BCL11A: variants seen among roughly 807,000 people sequenced by gnomAD.
The protein encoded by BCL11A is BCL11 transcription factor A.
A neutral mutation model predicts 55.9 loss-of-function variants in BCL11A; 2 were observed. That is an observed-to-expected ratio of 0.04 (90% confidence interval 0.01 to 0.11). The LOEUF (loss-of-function observed/expected upper bound fraction) is 0.11, where lower values mean the gene tolerates loss of function less well. BCL11A is among the 10% of genes least tolerant of loss of function. BCL11A has a pLI of 1.00. For missense variants in BCL11A, 817 were observed against 1,137.1 expected (o/e 0.72, Z 4.05); for synonymous variants, 465 against 473.4 (o/e 0.98, Z 0.23).
intron 2 of BCL11A, among the ~76,000 whole-genome samples, chr2:60,487,252 T>A (rs1228340397): frequency 6.6e-6 from 1 of 152,208 alleles, no homozygotes; most frequent in Non-Finnish European, 1.5e-5. Context: ...ACCTATATTT[T>A]GCAAGTCGAT....
chr2:60,503,825 G>A (rs1429626255), intron 2 of BCL11A, among the ~76,000 whole-genome samples: 1 of 152,140 alleles, frequency 6.6e-6, no homozygotes, highest in Non-Finnish European at 1.5e-5. Flanking sequence ...TTTTGTCAGA[G>A]CTTTATTATT....
intron 2 of BCL11A, chr2:60,544,128 T>A (rs960486013): frequency 6.6e-6 from 1 of 152,212 alleles, no homozygotes; most frequent in African/African-American, 2.4e-5. Context: ...AATAACCTAT[T>A]TGGGACCTCA....
At chr2:60,552,419 C>T (rs1670450475) in intron 1 of BCL11A, among the ~76,000 whole-genome samples, 2 of 152,062 alleles carry the variant, frequency 1.3e-5, no homozygotes, top group Admixed American at 6.5e-5. Context: ...AGCTCCTGCC[C>T]TTCGGCGGCG....
intron 2 of BCL11A, among the ~76,000 whole-genome samples, chr2:60,482,737 T>C (rs1200071798): frequency 1.3e-5 from 2 of 152,212 alleles, no homozygotes; most frequent in African/African-American, 4.8e-5. Context: ...AGCTCAAAAA[T>C]TCTATTTTGA....
intron 2 of BCL11A, among the ~76,000 whole-genome samples, chr2:60,514,367 A>G (rs1043689023): frequency 6.6e-6 from 1 of 152,062 alleles, no homozygotes; most frequent in African/African-American, 2.4e-5. Context: ...CTGAAAATAG[A>G]ATTAAATAGC....
intron 2 of BCL11A, among the ~76,000 whole-genome samples, chr2:60,485,261 G>A (rs765521120): frequency 2.0e-5 from 3 of 152,238 alleles, no homozygotes; most frequent in Non-Finnish European, 4.4e-5. Context: ...ATGAGGTGGG[G>A]TGAGAGGCCA....
chr2:60,473,811 CTTAA>C (rs1331799998), intron 2 of BCL11A, among the ~76,000 whole-genome samples: 1 of 152,182 alleles, frequency 6.6e-6, no homozygotes, highest in Non-Finnish European at 1.5e-5. Flanking sequence ...TCACAGACTT[CTTAA>C]TTAACCTTCT....
intron 3 of BCL11A, among the ~76,000 whole-genome samples, chr2:60,463,437 C>T (rs559611912): frequency 2.5e-4 from 38 of 152,338 alleles, no homozygotes; most frequent in South Asian, 2.3e-3. Context: ...CAACATCCTG[C>T]GCCCTCGGCT....
intron 2 of BCL11A, chr2:60,538,123 G>C (rs1191471295): frequency 6.6e-6 from 1 of 152,216 alleles, no homozygotes; most frequent in East Asian, 1.9e-4. Flanking sequence ...CTGGAAAAGG[G>C]TGTGCAAGGC....
chr2:60,470,111 C>T (rs1163894488), intron 2 of BCL11A, among the ~76,000 whole-genome samples: 3 of 152,036 alleles, frequency 2.0e-5, no homozygotes, highest in Non-Finnish European at 4.4e-5. Flanking sequence ...TGGTGGGTAA[C>T]GATGGTGTGC....
chr2:60,520,413 T>C (rs558076713), intron 2 of BCL11A, among the ~76,000 whole-genome samples: 15 of 152,334 alleles, frequency 9.8e-5, no homozygotes, highest in South Asian at 6.2e-4. Flanking sequence ...TGAGTATAAA[T>C]TCTGGAGTCT....
chr2:60,493,477 C>G lies in BCL11A; in HGVS notation c.386-24644G>C, dbSNP rs148580749. Among the ~76,000 whole-genome samples the G allele has an allele frequency of 2.1e-3, 320 of 152,204 alleles. 1 individual carries two copies. The highest frequency in any genetic ancestry group is 3.6e-3 in the Non-Finnish European group (247 of 68,012). ...CTATATCCCAGCTATCTGTTTGGCT[C>G]AGCTACCAAATGTCATCCTATTCCG... On this transcript the variant is annotated intron_variant, in intron 2 of 3. Transcript: ENST00000642384.
chr2:60,470,325 G>GT (rs1200747178), intron 2 of BCL11A, among the ~76,000 whole-genome samples: 2 of 152,178 alleles, frequency 1.3e-5, no homozygotes, highest in Admixed American at 6.5e-5. Flanking sequence ...ACATTTGACT[G>GT]TTTACGTCAA....
At chr2:60,539,100 T>C (rs565400856) in intron 2 of BCL11A, among the ~76,000 whole-genome samples, 1 of 152,320 alleles carries the variant, frequency 6.6e-6, no homozygotes, top group Non-Finnish European at 1.5e-5. Context: ...CGAGCATTTT[T>C]CCATTGCTGT....
chr2:60,506,545 T>G (rs1201074026), intron 2 of BCL11A, among the ~76,000 whole-genome samples: 1 of 152,244 alleles, frequency 6.6e-6, no homozygotes, highest in African/African-American at 2.4e-5. Context: ...CCAGCTGGCA[T>G]GCTGAGTCCA....
intron 2 of BCL11A, among the ~76,000 whole-genome samples, chr2:60,514,587 G>C (rs1050534934): frequency 2.7e-5 from 4 of 150,586 alleles, no homozygotes; most frequent in African/African-American, 9.8e-5. Context: ...AGAATCACTT[G>C]AACCTGGGAG....
rs961023202 is a variant in BCL11A, at chr2:60,498,030, G to C, written c.386-29197C>G. Among the ~76,000 whole-genome samples the C allele has an allele frequency of 1.8e-4, 28 of 151,764 alleles. 1 individual carries two copies. Among genetic ancestry groups the C allele is most frequent in the Admixed American group, 2.6e-4 (4 of 15,252 alleles). On this transcript the variant is annotated intron_variant, in intron 2 of 3. Transcript: ENST00000642384. ...AGGCCCATGGAGGTGGGGAGATGAG[G>C]GACCCACCTGGCAGACCCTCAAGAG...
chr2:60,529,329 GC>G (rs1156814086), intron 2 of BCL11A, among the ~76,000 whole-genome samples: 1 of 152,214 alleles, frequency 6.6e-6, no homozygotes, highest in African/African-American at 2.4e-5. Flanking sequence ...GCCCTATGAG[GC>G]AAGCCCCGTG....
chr2:60,551,354 G>C (rs1461165805), intron 1 of BCL11A, among the ~76,000 whole-genome samples: 1 of 152,232 alleles, frequency 6.6e-6, no homozygotes. Flanking sequence ...AAAGGGTGAA[G>C]TGCTCGGGGT....
Sources: gnomAD v4.1 joint callset for allele counts (sites outside exome capture counted in the v4.1 genomes callset) on GRCh38, gnomAD v4.1.1 for gene constraint, MANE v1.5 for transcripts, NCBI Gene and HGNC (gene_info 2026-07-23, HGNC 2026-07-21) for gene names.